The following SPMIP1 variants were observed in gnomAD, a reference collection of about 807,000 sequenced individuals.
The protein encoded by SPMIP1 is protein SPMIP1.
At chr7:128,866,781 G>A in the SPMIP1 span, 31 of 1,535,858 alleles carry the variant, frequency 2.0e-5, no homozygotes, top group Non-Finnish European at 2.5e-5. Flanking sequence ...TGCCAGAGAC[G>A]CGATACCTCT....
chr7:128,871,217 TCCTC>T, the SPMIP1 span: 1 of 152,242 alleles, frequency 6.6e-6, no homozygotes, highest in East Asian at 1.9e-4. Flanking sequence ...ATCTTTCTCA[TCCTC>T]CCAGCCAAGG....
the SPMIP1 span, chr7:128,868,534 A>G: frequency 2.5e-5 from 14 of 552,924 alleles, no homozygotes; most frequent in Non-Finnish European, 4.5e-5. Context: ...CCTCCAAAGC[A>G]CTTTCTATTT....
chr7:128,870,691 C>T, the SPMIP1 span: 1 of 152,344 alleles, frequency 6.6e-6, no homozygotes, highest in Non-Finnish European at 1.5e-5. Flanking sequence ...TTTTCTGGGT[C>T]TCAGGCTCTG....
At chr7:128,871,697 G>C in the SPMIP1 span, 1 of 152,204 alleles carries the variant, frequency 6.6e-6, no homozygotes, top group East Asian at 1.9e-4. Context: ...ATATACAGAC[G>C]TGTGAATATT....
At chr7:128,869,347 C>T in the SPMIP1 span, 15,652 of 155,328 alleles carry the variant, frequency 0.1, 1,447 homozygotes, top group East Asian at 0.32. Context: ...CGAGTCACTG[C>T]CAGAGTGCAG....
the SPMIP1 span, among the ~76,000 whole-genome samples, chr7:128,868,227 G>T: frequency 6.6e-6 from 1 of 152,236 alleles, no homozygotes; most frequent in Non-Finnish European, 1.5e-5. Flanking sequence ...TGCAGAAAAG[G>T]TGGATGGTTG....
At chr7:128,869,212 C>T in the SPMIP1 span, 2 of 248,804 alleles carry the variant, frequency 8.0e-6, no homozygotes, top group East Asian at 7.2e-5. Context: ...TGCATTTGCT[C>T]CAGCTGCTCC....
chr7:128,868,513 T>G, the SPMIP1 span, among the ~76,000 whole-genome samples: 1 of 152,200 alleles, frequency 6.6e-6, no homozygotes. Flanking sequence ...TATTTGCCCA[T>G]AGCTCCCATT....
At chr7:128,866,455 AAGG>A in the SPMIP1 span, 1 of 1,535,766 alleles carries the variant, frequency 6.5e-7, no homozygotes, top group South Asian at 1.2e-5. Flanking sequence ...GAACTTCTGG[AAGG>A]AGGAATATCT....
chr7:128,867,991 A>G, the SPMIP1 span, among the ~76,000 whole-genome samples: 19 of 152,194 alleles, frequency 1.2e-4, 1 homozygote, highest in African/African-American at 4.3e-4. Context: ...AAGCCTGTCC[A>G]TCTCGGCTGA....
chr7:128,868,755 C>G, the SPMIP1 span: 119 of 1,535,044 alleles, frequency 7.8e-5, 2 homozygotes, highest in Admixed American at 2.3e-3. Flanking sequence ...ACTGCTTGAT[C>G]CCCGAGACCT....
chr7:128,871,854 G>A, the SPMIP1 span: 1 of 152,190 alleles, frequency 6.6e-6, no homozygotes, highest in African/African-American at 2.4e-5. Flanking sequence ...ATTCTCATCT[G>A]TTGTCTTACT....
the SPMIP1 span, chr7:128,866,641 C>T: frequency 6.5e-7 from 1 of 1,535,532 alleles, no homozygotes; most frequent in South Asian, 1.2e-5. Flanking sequence ...GGTGCCCAGC[C>T]CTGTCCCAGA....
At chr7:128,866,417 G>A in the SPMIP1 span, 20 of 1,520,528 alleles carry the variant, frequency 1.3e-5, no homozygotes, top group South Asian at 6.2e-5. Context: ...ACCATGTCAC[G>A]GCAGCTCAAC....
the SPMIP1 span, chr7:128,870,140 C>T: frequency 6.6e-6 from 1 of 152,246 alleles, no homozygotes; most frequent in Non-Finnish European, 1.5e-5. Context: ...CGTGGTAGTC[C>T]TTCTCCGGAG....
the SPMIP1 span, chr7:128,869,622 C>G: frequency 6.6e-6 from 1 of 152,352 alleles, no homozygotes; most frequent in East Asian, 1.9e-4. Flanking sequence ...TGGGGACACA[C>G]CCGGAGCCGC....
At chr7:128,870,265 G>A in the SPMIP1 span, 1,387 of 152,534 alleles carry the variant, frequency 9.1e-3, 9 homozygotes, top group Non-Finnish European at 0.014. Context: ...TGGCCTCTCC[G>A]GGAGCCACCT....
At chr7:128,869,186 C>G in the SPMIP1 span, 5 of 312,114 alleles carry the variant, frequency 1.6e-5, no homozygotes, top group South Asian at 7.9e-4. Context: ...CCCGCAGCCG[C>G]TCCGTCCTCT....
At chr7:128,867,507 A>G in the SPMIP1 span, among the ~76,000 whole-genome samples, 5 of 152,024 alleles carry the variant, frequency 3.3e-5, no homozygotes, top group African/African-American at 9.7e-5. Flanking sequence ...GGCTGTGTCT[A>G]TAAGTCTGGA....
Sources: allele counts gnomAD v4.1 joint callset (sites outside exome capture counted in the v4.1 genomes callset), GRCh38; gene constraint gnomAD v4.1.1; transcripts MANE v1.5; gene names NCBI Gene and HGNC (gene_info 2026-07-23, HGNC 2026-07-21).